Variants in PALM2AKAP2 observed in about 807,000 individuals in gnomAD.
PALM2AKAP2 encodes PALM2-AKAP2 fusion protein.
A neutral mutation model predicts 71.5 loss-of-function variants in PALM2AKAP2; 37 were observed. That is an observed-to-expected ratio of 0.52 (90% CI 0.40 to 0.68). The LOEUF is 0.68. Ranked by LOEUF, PALM2AKAP2 falls within the 30% of genes least tolerant of loss-of-function variation. The pLI is 0.00. For missense variants in PALM2AKAP2, 1,224 were observed against 1,191.8 expected, an observed-to-expected ratio of 1.03 and a Z score of -0.40; for synonymous variants, 468 against 478.8, an observed-to-expected ratio of 0.98 and a Z score of 0.29.
chr9:110,171,746 C>T (rs1328611804), exon 4 of PALM2AKAP2: 2 of 152,610 alleles, frequency 1.3e-5, no homozygotes, highest in African/African-American at 4.8e-5. Flanking sequence ...AGCACACAAG[C>T]TTGTTAACCC....
intron 1 of PALM2AKAP2, among the ~76,000 whole-genome samples, chr9:110,084,125 A>G (rs191241400): frequency 3.5e-4 from 53 of 152,208 alleles, no homozygotes; most frequent in Non-Finnish European, 5.7e-4. Flanking sequence ...AGATTTAGAG[A>G]TATGATGGAA....
intron 1 of PALM2AKAP2, among the ~76,000 whole-genome samples, chr9:109,649,051 C>T (rs965283247): frequency 6.6e-6 from 1 of 151,986 alleles, no homozygotes; most frequent in Non-Finnish European, 1.5e-5. Context: ...CCCTCCCACT[C>T]CTGCAATTTT....
chr9:109,960,553 G>A (rs1831835176), intron 6 of PALM2AKAP2, among the ~76,000 whole-genome samples: 1 of 152,160 alleles, frequency 6.6e-6, no homozygotes, highest in South Asian at 2.1e-4. Context: ...TGAGGCAGGA[G>A]GATTGCTTGA....
chr9:110,076,749 A>C (rs1199420285), intron 1 of PALM2AKAP2, among the ~76,000 whole-genome samples: 1 of 152,116 alleles, frequency 6.6e-6, no homozygotes, highest in Non-Finnish European at 1.5e-5. Context: ...TGCATATGGA[A>C]GACCAGCTAG....
chr9:110,135,164 A>AAAATATATAT, intron 1 of PALM2AKAP2, among the ~76,000 whole-genome samples: 4 of 51,732 alleles, frequency 7.7e-5, no homozygotes, highest in African/African-American at 2.2e-4. Context: ...AAAAAAAAAA[A>AAAATATATAT]ATATATAAAT....
intron 1 of PALM2AKAP2, among the ~76,000 whole-genome samples, chr9:109,743,893 A>T (rs956022311): frequency 1.3e-5 from 2 of 152,240 alleles, no homozygotes; most frequent in African/African-American, 4.8e-5. Context: ...AATGAATTCC[A>T]GCAAATGACA....
At chr9:109,691,883 TATATATATATATATATATACAC>T (rs1564114892) in intron 1 of PALM2AKAP2, among the ~76,000 whole-genome samples, 22 of 46,614 alleles carry the variant, frequency 4.7e-4, no homozygotes, top group African/African-American at 1.5e-3. Flanking sequence ...CACACACACA[TATATATATATATATATATACAC>T]ACACACATAT....
At chr9:110,156,205 T>A in intron 2 of PALM2AKAP2, 114 bp from the exon 9 acceptor site, 1 of 1,393,464 alleles carries the variant, frequency 7.2e-7, no homozygotes, top group African/African-American at 1.5e-5. Flanking sequence ...TAACCATCAT[T>A]CTGGTACCAC....
intron 3 of PALM2AKAP2, among the ~76,000 whole-genome samples, chr9:109,906,753 C>T (rs1830455378): frequency 6.6e-6 from 1 of 152,210 alleles, no homozygotes; most frequent in Admixed American, 6.5e-5. Flanking sequence ...TCACATCTGT[C>T]CACATGGTCT....
At chr9:109,742,451 G>A (rs116003759) in intron 1 of PALM2AKAP2, among the ~76,000 whole-genome samples, 6,488 of 152,234 alleles carry the variant, frequency 0.043, 192 homozygotes, top group Non-Finnish European at 0.053. Context: ...AAAGAGAAGT[G>A]AGATAAAATG....
At chr9:109,673,371 A>G (rs982439954) in intron 1 of PALM2AKAP2, among the ~76,000 whole-genome samples, 9 of 152,128 alleles carry the variant, frequency 5.9e-5, no homozygotes, top group Admixed American at 1.3e-4. Flanking sequence ...CCCAAAAGTC[A>G]TTCAGGAGGA....
intron 6 of PALM2AKAP2, among the ~76,000 whole-genome samples, chr9:110,003,122 T>G (rs7031095): frequency 1.3e-5 from 2 of 152,212 alleles, no homozygotes; most frequent in African/African-American, 4.8e-5. Flanking sequence ...AATTGTGATG[T>G]TAGGGTGTCA....
chr9:110,031,319 A>C (rs1288243647), intron 7 of PALM2AKAP2, among the ~76,000 whole-genome samples: 2 of 151,998 alleles, frequency 1.3e-5, no homozygotes, highest in Non-Finnish European at 2.9e-5. Context: ...TAGTAGAGAC[A>C]GGGTTTCACC....
chr9:109,791,977 G>A (rs1033564122), intron 1 of PALM2AKAP2, among the ~76,000 whole-genome samples: 14 of 152,268 alleles, frequency 9.2e-5, no homozygotes, highest in Admixed American at 7.8e-4. Context: ...CCCCCAGCCT[G>A]GGCCACCAGT....
chr9:109,657,257 T>G (rs903802895), intron 1 of PALM2AKAP2, among the ~76,000 whole-genome samples: 4 of 152,272 alleles, frequency 2.6e-5, no homozygotes, highest in African/African-American at 4.8e-5. Flanking sequence ...ATTTTGCTTC[T>G]TCAGGCACCA....
At chr9:109,667,466 G>A (rs995135553) in intron 1 of PALM2AKAP2, among the ~76,000 whole-genome samples, 7 of 152,254 alleles carry the variant, frequency 4.6e-5, no homozygotes, top group East Asian at 1.9e-4. Context: ...AAAGCAAAAC[G>A]AAGGAAACAA....
chr9:109,844,226 G>A (rs901618694), intron 1 of PALM2AKAP2, among the ~76,000 whole-genome samples: 1 of 152,108 alleles, frequency 6.6e-6, no homozygotes, highest in South Asian at 2.1e-4. Flanking sequence ...ACAGATAAGC[G>A]AATGGAGACT....
chr9:109,664,468 G>A (rs1284440814), intron 1 of PALM2AKAP2, among the ~76,000 whole-genome samples: 1 of 152,186 alleles, frequency 6.6e-6, no homozygotes, highest in Non-Finnish European at 1.5e-5. Context: ...GACTGGATAT[G>A]AAATTCTGGG....
At chr9:109,853,052 G>T (rs2769149) in intron 1 of PALM2AKAP2, among the ~76,000 whole-genome samples, 3 of 151,978 alleles carry the variant, frequency 2.0e-5, no homozygotes, top group East Asian at 3.9e-4. Flanking sequence ...GTTGCCAGAC[G>T]GACAGCTTTG....
Sources: allele counts gnomAD v4.1 joint callset (sites outside exome capture counted in the v4.1 genomes callset), GRCh38; gene constraint gnomAD v4.1.1; transcripts MANE v1.5; gene names NCBI Gene and HGNC (gene_info 2026-07-23, HGNC 2026-07-21).